Variants in CDH18 observed in about 807,000 individuals in gnomAD.
The protein encoded by CDH18 is cadherin-18.
CDH18 carries 31 observed loss-of-function variants against 67.9 expected under a neutral mutation model. The observed-to-expected ratio is 0.46, with a 90% CI of 0.34 to 0.62. The LOEUF is 0.62. Among genes scored for constraint, CDH18 ranks in the 20% least tolerant of loss-of-function variants. The probability of loss-of-function intolerance (pLI) is 0.01; values close to 1 mark genes in which losing one functional copy is unlikely to be tolerated. For synonymous variants in CDH18, 362 were observed against 347.2 expected (o/e 1.04, Z -0.48); for missense variants, 890 against 975.5 (o/e 0.91, Z 1.17).
chr5:19,937,060 A>G (rs1794358229), intron 2 of CDH18, among the ~76,000 whole-genome samples: 1 of 151,336 alleles, frequency 6.6e-6, no homozygotes, highest in Non-Finnish European at 1.5e-5. Context: ...CAATTTTTTG[A>G]AAACCAATGT....
intron 1 of CDH18, among the ~76,000 whole-genome samples, chr5:20,424,745 T>TAAAA (rs67349001): frequency 0.018 from 771 of 42,918 alleles, 105 homozygotes; most frequent in East Asian, 0.08. Context: ...AGACTCTGTC[T>TAAAA]AAAAAAAAAA....
intron 9 of CDH18, among the ~76,000 whole-genome samples, chr5:19,535,646 A>T (rs1749296293): frequency 1.3e-5 from 2 of 152,284 alleles, no homozygotes; most frequent in South Asian, 4.1e-4. Context: ...TTTGCATGAG[A>T]GTCGAGAAAA....
At chr5:20,171,578 T>C (rs1173022740) in intron 2 of CDH18, among the ~76,000 whole-genome samples, 1 of 152,100 alleles carries the variant, frequency 6.6e-6, no homozygotes, top group African/African-American at 2.4e-5. Flanking sequence ...GTTTTTTTCT[T>C]GTAAATTTGT....
chr5:19,611,119 C>G (rs1748881540), intron 6 of CDH18, among the ~76,000 whole-genome samples: 1 of 152,068 alleles, frequency 6.6e-6, no homozygotes, highest in African/African-American at 2.4e-5. Context: ...CCTAAGTTCG[C>G]AAAACAATTA....
At chr5:19,935,114 C>T (rs773301970) in intron 2 of CDH18, among the ~76,000 whole-genome samples, 7 of 151,048 alleles carry the variant, frequency 4.6e-5, no homozygotes, top group African/African-American at 9.7e-5. Context: ...ACTCTTTGTC[C>T]GGCACCTCCA....
At chr5:19,835,501 GAAAAAA>G (rs576787433) in intron 3 of CDH18, among the ~76,000 whole-genome samples, 4 of 150,668 alleles carry the variant, frequency 2.7e-5, no homozygotes, top group African/African-American at 7.3e-5. Flanking sequence ...AAGAAATAAA[GAAAAAA>G]AAGAGTACTA....
intron 2 of CDH18, among the ~76,000 whole-genome samples, chr5:19,859,133 T>C (rs1375451034): frequency 2.0e-5 from 3 of 152,094 alleles, no homozygotes; most frequent in Admixed American, 6.6e-5. Context: ...AACTGACCGA[T>C]GGATGCTCAC....
At chr5:20,120,574 A>C (rs1748275081) in intron 2 of CDH18, among the ~76,000 whole-genome samples, 1 of 152,152 alleles carries the variant, frequency 6.6e-6, no homozygotes, top group Admixed American at 6.5e-5. Context: ...CTGTATTACT[A>C]AACTATATTC....
intron 2 of CDH18, among the ~76,000 whole-genome samples, chr5:19,980,826 T>C (rs1478494126): frequency 1.3e-5 from 2 of 152,174 alleles, no homozygotes; most frequent in Non-Finnish European, 1.5e-5. Context: ...GACATCTCAA[T>C]CAATATATGT....
intron 1 of CDH18, among the ~76,000 whole-genome samples, chr5:20,285,259 T>C (rs769563803): frequency 6.6e-6 from 1 of 151,262 alleles, no homozygotes; most frequent in Admixed American, 6.6e-5. Context: ...TAAAATTTAT[T>C]GTCTTCCAAT....
chr5:19,808,961 T>C (rs1443199609), intron 3 of CDH18, among the ~76,000 whole-genome samples: 1 of 152,082 alleles, frequency 6.6e-6, no homozygotes, highest in Non-Finnish European at 1.5e-5. Flanking sequence ...TTTATCTCTG[T>C]ATCTGTGTGA....
At position 19,520,640 on chromosome 5, in the gene CDH18, G is replaced by C; in HGVS notation, c.1512+17C>G. On this transcript the variant is annotated intron_variant, in intron 10 of 12. Transcript: ENST00000382275. ...TTTATTCCATTCAAATGAGGAGGAA[G>C]GAAACAATTAACTTACCTGGCCAGG... 2 of 1,600,252 alleles carry C rather than the reference G, an allele frequency of 1.2e-6. No homozygotes were observed. The highest frequency in any genetic ancestry group is 1.7e-6 in the Non-Finnish European group (2 of 1,174,630).
chr5:19,512,869 A>G (rs1202317649), intron 10 of CDH18, among the ~76,000 whole-genome samples: 3 of 152,020 alleles, frequency 2.0e-5, no homozygotes, highest in Admixed American at 6.6e-5. Flanking sequence ...CTATAATTCC[A>G]CTTATACCTT....
intron 2 of CDH18, among the ~76,000 whole-genome samples, chr5:20,059,495 T>C (rs1742278060): frequency 6.6e-6 from 1 of 152,206 alleles, no homozygotes; most frequent in African/African-American, 2.4e-5. Context: ...AAACACTGCT[T>C]TAGTTGTCTC....
intron 12 of CDH18, among the ~76,000 whole-genome samples, chr5:19,478,092 G>C (rs1189712276): frequency 6.6e-6 from 1 of 151,990 alleles, no homozygotes; most frequent in African/African-American, 2.4e-5. Flanking sequence ...ATTCAAAGAT[G>C]GGGAAACATT....
chr5:20,463,296 A>C (rs967801009), intron 1 of CDH18, among the ~76,000 whole-genome samples: 1 of 151,564 alleles, frequency 6.6e-6, no homozygotes, highest in East Asian at 1.9e-4. Context: ...GAGATTAGTA[A>C]AACAAGAAAA....
chr5:20,327,274 A>G (rs1738688845), intron 1 of CDH18, among the ~76,000 whole-genome samples: 2 of 152,208 alleles, frequency 1.3e-5, no homozygotes, highest in Non-Finnish European at 2.9e-5. Context: ...CACAACTTGT[A>G]TCATAGCCTC....
intron 6 of CDH18, among the ~76,000 whole-genome samples, chr5:19,607,486 A>G (rs1748240360): frequency 6.6e-6 from 1 of 151,414 alleles, no homozygotes; most frequent in African/African-American, 2.4e-5. Context: ...TAAATAGAAA[A>G]AAGTATAAAA....
intron 1 of CDH18, among the ~76,000 whole-genome samples, chr5:20,283,997 G>T (rs1000160934): frequency 8.2e-4 from 124 of 152,094 alleles, no homozygotes; most frequent in African/African-American, 2.7e-3. Flanking sequence ...GCCAAGCACG[G>T]AAAGACAGAC....
Sources: gnomAD v4.1 joint callset for allele counts (sites outside exome capture counted in the v4.1 genomes callset) on GRCh38, gnomAD v4.1.1 for gene constraint, MANE v1.5 for transcripts, NCBI Gene and HGNC (gene_info 2026-07-23, HGNC 2026-07-21) for gene names.